The following ZHX1 variants were observed in gnomAD, a reference collection of about 807,000 sequenced individuals.
ZHX1 encodes the protein zinc fingers and homeoboxes protein 1.
Under a neutral mutation model 61.8 loss-of-function variants are expected in ZHX1, and 20 were observed. The observed-to-expected ratio is 0.32, with a 90% CI of 0.23 to 0.47. ZHX1 has a LOEUF of 0.47. Among genes scored for constraint, ZHX1 ranks in the 20% least tolerant of loss-of-function variants. The pLI, the probability that ZHX1 is intolerant of heterozygous loss-of-function variation, is 1.00. For missense variants in ZHX1, 800 were observed against 1,034.8 expected (o/e 0.77, Z 3.11); for synonymous variants, 318 against 352.6 (o/e 0.90, Z 1.10).
intron 2 of ZHX1, among the ~76,000 whole-genome samples, chr8:123,256,502 C>CT (rs1826072558): frequency 6.6e-6 from 1 of 152,318 alleles, no homozygotes; most frequent in East Asian, 1.9e-4. Flanking sequence ...CAAGGAGGAA[C>CT]TTTAACACTA....
rs758566380 is a variant in ZHX1, at chr8:123,255,182, T to C, written c.765A>G (p.Ala255=). Residue 255 remains alanine, a synonymous_variant, in exon 3 of 4, where the codon GCA becomes GCG. Transcript: ENST00000395571. ...STASTVVTPA[A]VLPGLAQVIT... is the part of the protein sequence containing the mutation. ...TCACCTGTGCCAATCCAGGAAGAAC[T>C]GCTGCTGGTGTCACTACCGTGCTGG... The C allele has an allele frequency of 2.5e-6, 4 of 1,614,214 alleles. No homozygotes were observed. Among genetic ancestry groups the C allele is most frequent in the Non-Finnish European group, 2.5e-6 (3 of 1,180,026 alleles).
intron 2 of ZHX1, among the ~76,000 whole-genome samples, chr8:123,265,820 T>C (rs1563814278): frequency 6.6e-6 from 1 of 152,192 alleles, no homozygotes; most frequent in Non-Finnish European, 1.5e-5. Flanking sequence ...AGTGAAAGCA[T>C]CTAAGAAATT....
chr8:123,252,097 C>A (rs1481213759), intron 3 of ZHX1, among the ~76,000 whole-genome samples: 2 of 152,128 alleles, frequency 1.3e-5, no homozygotes. Flanking sequence ...AGTAAGCATG[C>A]TCACGTATAA....
In ZHX1 at chr8:123,254,365, A is replaced by T. The variant is rs779686104; in HGVS notation, c.1582T>A (p.Leu528Ile). 3.1e-6 allele frequency: 5 copies of T among 1,614,122 alleles called. No homozygotes were observed. The South Asian group carries it at 4.4e-5, about 14-fold the overall frequency. The change falls in exon 3 of 4, where the codon TTA (leucine) becomes ATA (isoleucine). Residue 528 changes from leucine (L) to isoleucine (I), a missense_variant. Transcript: ENST00000395571. This position sits in a 1 kb window ranked among gnomAD's most constrained non-coding sequence, Gnocchi z 4.1. ...GTAGAGGAATCATTGTTGAGATGTA[A>T]GCACTGATTACTCTTTGAATTTCTC... ...NQRNSKSNQC[L>I]HLNNDSSTTI...
intron 2 of ZHX1, 90 bp from the exon 3 acceptor site, chr8:123,256,261 C>G (rs2131194308): frequency 5.0e-6 from 1 of 199,166 alleles, no homozygotes; most frequent in African/African-American, 2.3e-5. Context: ...TATGAAGTGG[C>G]TGGATAGCTC....
intron 2 of ZHX1, among the ~76,000 whole-genome samples, chr8:123,256,443 G>A (rs1381381772): frequency 6.6e-6 from 1 of 151,996 alleles, no homozygotes; most frequent in African/African-American, 2.4e-5. Flanking sequence ...AGGGGGAAAG[G>A]GCCTGCTTTG....
At chr8:123,267,839 TA>T (rs997627629) in intron 1 of ZHX1, among the ~76,000 whole-genome samples, 16 of 152,168 alleles carry the variant, frequency 1.1e-4, no homozygotes, top group African/African-American at 3.4e-4. Context: ...CCGTCTCTAC[TA>T]AAAATACAAA....
rs16898198 is a variant in ZHX1 at position 123,256,124 on chromosome 8, T to C, written c.-178A>G. 1 of 464,386 alleles carries C rather than the reference T, an allele frequency of 2.2e-6. No homozygotes were observed. The highest frequency in any genetic ancestry group is 2.0e-5 in the African/African-American group (1 of 49,578). The allele number at this position is 464,386 out of a possible 1,614,324, so 28.8% of individuals were successfully genotyped here. ...AAGTAAAGAGCTTATTGTTGGCAGATAAAATACTGCTGAATTTCTGAAATT... is the reference window on the plus strand; with the variant it reads ...AAGTAAAGAGCTTATTGTTGGCAGACAAAATACTGCTGAATTTCTGAAATT... On this transcript the variant is annotated 5_prime_UTR_variant, in exon 3 of 4. Coordinates refer to ENST00000395571, the MANE Select transcript of ZHX1 (RefSeq NM_007222.5).
intron 2 of ZHX1, among the ~76,000 whole-genome samples, chr8:123,257,564 G>C (rs997262805): frequency 3.1e-4 from 47 of 152,290 alleles, no homozygotes; most frequent in Admixed American, 5.2e-4. Context: ...TGGTCTCATG[G>C]AAGACCATTT....
intron 2 of ZHX1, among the ~76,000 whole-genome samples, chr8:123,260,827 G>C (rs1826226464): frequency 6.6e-6 from 1 of 151,934 alleles, no homozygotes; most frequent in African/African-American, 2.4e-5. Flanking sequence ...TTCGAGACCA[G>C]CCTGGCCAAC....
chr8:123,255,631 C>T lies in ZHX1; in HGVS notation c.316G>A (p.Glu106Lys), dbSNP rs376750048. 12 of 1,613,428 alleles carry T rather than the reference C, an allele frequency of 7.4e-6. No homozygotes were observed. Among genetic ancestry groups the T allele is most frequent in the East Asian group, 2.2e-5 (1 of 44,884 alleles). The change falls in exon 3 of 4, where the codon GAA becomes AAA. Residue 106 changes from glutamate to lysine, a missense_variant. Coordinates refer to ENST00000395571, the MANE Select transcript of ZHX1 (RefSeq NM_007222.5). ...TACCTTTTGGTAAGAAAATTGCATT[C>T]GACACAAACATAGGATGAATTTAGC... ...VVLNSSYVCV[E>K]CNFLTKRYDA...
At chr8:123,252,811 A>G (rs1033607412) in intron 3 of ZHX1, 5 of 152,318 alleles carry the variant, frequency 3.3e-5, no homozygotes, top group Middle Eastern at 3.2e-3. Context: ...AATGCAATGA[A>G]GATGAAAAGA....
In ZHX1 at chr8:123,253,731, G is replaced by C; in HGVS notation, c.2216C>G (p.Ser739Cys). The C allele has an allele frequency of 2.5e-6, 4 of 1,614,174 alleles. No individual in the cohort carries two copies. The highest frequency in any genetic ancestry group is 3.4e-6 in the Non-Finnish European group (4 of 1,180,024). Residue 739 changes from serine to cysteine, a missense_variant, in exon 3 of 4, where the codon TCC becomes TGC. Transcript: ENST00000395571. ...TCTCCCTCTCCCTCTTTTCCTAAGG[G>C]AAGACAGACCATTCATACTACTTGA... The part of the protein sequence containing the change: ...ANSSSMNGLS[S>C]LRKRGRGRPK...
chr8:123,269,561 C>CT (rs1239089981), intron 1 of ZHX1, among the ~76,000 whole-genome samples: 1 of 152,156 alleles, frequency 6.6e-6, no homozygotes, highest in Non-Finnish European at 1.5e-5. Flanking sequence ...CAAAAAAAGA[C>CT]TGAGAGCTTG....
upstream of ZHX1, chr8:123,274,532 A>G (rs1049221297): frequency 6.6e-6 from 1 of 152,014 alleles, no homozygotes; most frequent in Non-Finnish European, 1.5e-5. Flanking sequence ...CTCCACGCCC[A>G]GACCCTGCTA....
chr8:123,253,222 G>T (rs917716367), intron 3 of ZHX1, 100 bp downstream of exon 3: 1 of 1,052,464 alleles, frequency 9.5e-7, no homozygotes, highest in African/African-American at 1.6e-5. Flanking sequence ...AACTACTTCA[G>T]AAAATATCAA....
At chr8:123,269,746 G>A (rs973887378) in intron 1 of ZHX1, among the ~76,000 whole-genome samples, 1 of 152,194 alleles carries the variant, frequency 6.6e-6, no homozygotes, top group African/African-American at 2.4e-5. Context: ...TAGGTAACAC[G>A]TGTAAAGTTT....
chr8:123,253,377 G>A lies in ZHX1; in HGVS notation c.2570C>T (p.Thr857Ile), dbSNP rs142746860. The A allele has an allele frequency of 3.1e-5, 50 of 1,613,528 alleles. No homozygotes were observed. The African/African-American group carries it at 5.6e-4, about 18-fold the overall frequency. The stretch of plus-strand genomic sequence containing the variant: ...TTTCACATGTCGTGGAGGTTCCCAA[G>A]TGTCACTATCATCTGTTTCTTCTTC... ...EDEEETDDSDTWEPPRHVKRK... is the reference protein window; with the variant it reads ...EDEEETDDSDIWEPPRHVKRK... The change falls in exon 3 of 4, where the codon ACT becomes ATT. Residue 857 changes from threonine to isoleucine, a missense_variant. Thr to Ile is a moderately conservative substitution (Grantham distance 89). Transcript: ENST00000395571.
chr8:123,253,176 A>C, intron 3 of ZHX1, 146 bp downstream of exon 3: 1 of 591,716 alleles, frequency 1.7e-6, no homozygotes, highest in Non-Finnish European at 2.9e-6. Context: ...TCTCTTAGCT[A>C]TACTAGTGGT....
Sources: allele counts gnomAD v4.1 joint callset (sites outside exome capture counted in the v4.1 genomes callset), GRCh38; gene constraint gnomAD v4.1.1; non-coding constraint Gnocchi (gnomAD v3.1); transcripts MANE v1.5; gene names NCBI Gene and HGNC (gene_info 2026-07-23, HGNC 2026-07-21).